Variants in DPY19L2 observed in about 807,000 individuals in gnomAD.
DPY19L2 encodes probable C-mannosyltransferase DPY19L2.
DPY19L2 carries 34 observed loss-of-function variants against 97.9 expected under a neutral mutation model. The observed-to-expected ratio is 0.35, with a 90% CI of 0.26 to 0.46. The LOEUF (loss-of-function observed/expected upper bound fraction) is 0.46. DPY19L2 is among the 20% of genes least tolerant of loss of function. DPY19L2 has a pLI of 1.00. For missense variants in DPY19L2, 623 were observed against 911.4 expected, an observed-to-expected ratio of 0.68 and a Z score of 4.07; for synonymous variants, 230 against 307.9, an observed-to-expected ratio of 0.75 and a Z score of 2.65.
intron 4 of DPY19L2, chr12:63,651,837 G>A (rs1424273599): frequency 1.8e-5 from 6 of 324,520 alleles, no homozygotes; most frequent in Admixed American, 6.6e-5. Context: ...TGTCAGCAGC[G>A]ATGGGTAGTT....
chr12:63,596,535 G>A (rs1033553193), intron 14 of DPY19L2, among the ~76,000 whole-genome samples: 2 of 152,140 alleles, frequency 1.3e-5, no homozygotes, highest in Non-Finnish European at 2.9e-5. Flanking sequence ...AATTTACCAT[G>A]TAACTAAATT....
intron 4 of DPY19L2, among the ~76,000 whole-genome samples, chr12:63,658,005 C>T (rs577758974): frequency 2.6e-5 from 4 of 152,252 alleles, no homozygotes; most frequent in East Asian, 3.9e-4. Context: ...CTTCAGTTTT[C>T]TGAAGGGTTC....
At chr12:63,636,076 T>A (rs1432268031) in intron 6 of DPY19L2, among the ~76,000 whole-genome samples, 1 of 150,106 alleles carries the variant, frequency 6.7e-6, no homozygotes, top group Non-Finnish European at 1.5e-5. Flanking sequence ...TAACAGCTGA[T>A]CTCTTGGCAG....
At chr12:63,650,006 G>A (rs1026048669) in intron 4 of DPY19L2, among the ~76,000 whole-genome samples, 1 of 151,842 alleles carries the variant, frequency 6.6e-6, no homozygotes, top group Admixed American at 6.6e-5. Flanking sequence ...AGGATGCAAG[G>A]GTGGTTCAAC....
intron 6 of DPY19L2, among the ~76,000 whole-genome samples, chr12:63,642,007 G>A (rs1892768828): frequency 6.6e-6 from 1 of 152,098 alleles, no homozygotes; most frequent in African/African-American, 2.4e-5. Flanking sequence ...TATGACTAAT[G>A]ATGGTGGACA....
intron 12 of DPY19L2, among the ~76,000 whole-genome samples, chr12:63,604,096 A>G (rs1465447355): frequency 6.6e-6 from 1 of 152,154 alleles, no homozygotes; most frequent in African/African-American, 2.4e-5. Context: ...GAGAATGTCT[A>G]TTTCCCCTTC....
intron 11 of DPY19L2, among the ~76,000 whole-genome samples, chr12:63,616,266 A>G (rs541967761): frequency 9.0e-4 from 137 of 152,298 alleles, no homozygotes; most frequent in African/African-American, 3.2e-3. Flanking sequence ...CTATATTTCA[A>G]AATAAAAAAG....
chr12:63,564,856 A>AT (rs71086684), intron 21 of DPY19L2, among the ~76,000 whole-genome samples: 77,675 of 151,826 alleles, frequency 0.51, 21,184 homozygotes, highest in African/African-American at 0.72. Context: ...AGATTTGTCT[A>AT]TTTTTCCTAA....
chr12:63,660,619 A>C (rs1392404926), intron 4 of DPY19L2, among the ~76,000 whole-genome samples: 2 of 152,036 alleles, frequency 1.3e-5, no homozygotes, highest in South Asian at 4.1e-4. Context: ...GATCACACAT[A>C]TTTGAATATT....
intron 21 of DPY19L2, among the ~76,000 whole-genome samples, chr12:63,562,294 TG>T (rs1402643237): frequency 6.6e-6 from 1 of 152,190 alleles, no homozygotes; most frequent in African/African-American, 2.4e-5. Flanking sequence ...CTTTTTTGTC[TG>T]GCTTCTTGTC....
chr12:63,663,745 G>A lies in DPY19L2; in HGVS notation c.450+13C>T. 1 of 1,590,814 alleles carries A rather than the reference G, an allele frequency of 6.3e-7. No homozygotes were observed. Among genetic ancestry groups the A allele is most frequent in the Non-Finnish European group, 8.5e-7 (1 of 1,170,364 alleles). ...TAAACCACAAATTAATTCATTAGAA[G>A]AAGAAACCTAACCATTTCAGTGCGA... is the stretch of plus-strand genomic sequence containing the variant. On this transcript the variant is annotated intron_variant, in intron 3 of 21. Transcript: ENST00000324472.
chr12:63,581,140 C>A (rs1442681916), intron 18 of DPY19L2, among the ~76,000 whole-genome samples: 2 of 152,174 alleles, frequency 1.3e-5, no homozygotes, highest in African/African-American at 4.8e-5. Flanking sequence ...CATCTTAGAA[C>A]TAAATCCTTG....
chr12:63,611,237 T>C (rs1174395929), intron 11 of DPY19L2, among the ~76,000 whole-genome samples: 1 of 152,094 alleles, frequency 6.6e-6, no homozygotes, highest in Non-Finnish European at 1.5e-5. Context: ...AACTAACCAG[T>C]ACTTTCATTC....
chr12:63,598,559 T>C (rs538716322), intron 13 of DPY19L2, among the ~76,000 whole-genome samples: 17 of 152,134 alleles, frequency 1.1e-4, no homozygotes, highest in Non-Finnish European at 2.5e-4. Flanking sequence ...GGTGAGACAA[T>C]TATTTTTCCA....
intron 16 of DPY19L2, among the ~76,000 whole-genome samples, chr12:63,590,216 A>C (rs894784497): frequency 2.0e-5 from 3 of 152,200 alleles, no homozygotes; most frequent in African/African-American, 7.2e-5. Flanking sequence ...AAAAGCTGCA[A>C]AACTCCACTG....
chr12:63,573,448 G>C (rs1879259122), intron 19 of DPY19L2, among the ~76,000 whole-genome samples: 1 of 152,068 alleles, frequency 6.6e-6, no homozygotes, highest in Non-Finnish European at 1.5e-5. Context: ...TCGAGATCTA[G>C]AAGTAGCCTT....
intron 2 of DPY19L2, among the ~76,000 whole-genome samples, chr12:63,665,291 G>A (rs1474517328): frequency 6.6e-6 from 1 of 152,034 alleles, no homozygotes; most frequent in Non-Finnish European, 1.5e-5. Context: ...GGCCAACATG[G>A]TGAAACCTCG....
intron 3 of DPY19L2, among the ~76,000 whole-genome samples, chr12:63,663,056 ATTT>A (rs1433708922): frequency 1.3e-5 from 2 of 152,174 alleles, no homozygotes; most frequent in Non-Finnish European, 2.9e-5. Flanking sequence ...AAACATTGAA[ATTT>A]TTTATTACAA....
intron 16 of DPY19L2, among the ~76,000 whole-genome samples, chr12:63,590,286 G>C (rs1200682634): frequency 6.6e-6 from 1 of 152,088 alleles, no homozygotes; most frequent in African/African-American, 2.4e-5. Flanking sequence ...TTAAAAGCTT[G>C]ATAACGATGT....
Sources: allele counts gnomAD v4.1 joint callset (sites outside exome capture counted in the v4.1 genomes callset), GRCh38; gene constraint gnomAD v4.1.1; transcripts MANE v1.5; gene names NCBI Gene and HGNC (gene_info 2026-07-23, HGNC 2026-07-21).